Variants in ZMYM2 observed in about 807,000 individuals in gnomAD.
ZMYM2 encodes zinc finger MYM-type protein 2.
Under a neutral mutation model 162.8 loss-of-function variants are expected in ZMYM2, and 56 were observed. The ratio of observed to expected loss-of-function variants is 0.34; its 90% CI spans 0.28 to 0.43. The LOEUF (loss-of-function observed/expected upper bound fraction) is 0.43. ZMYM2 is among the 20% of genes least tolerant of loss of function. The pLI, the probability that ZMYM2 is intolerant of heterozygous loss-of-function variation, is 1.00. For synonymous variants in ZMYM2, 510 were observed against 541.6 expected, an observed-to-expected ratio of 0.94 and a Z score of 0.81; for missense variants, 1,275 against 1,621.8, an observed-to-expected ratio of 0.79 and a Z score of 3.67.
the ZMYM2 span, among the ~76,000 whole-genome samples, chr13:19,912,845 T>C: frequency 6.6e-6 from 1 of 152,174 alleles, no homozygotes; most frequent in African/African-American, 2.4e-5. Flanking sequence ...GTGTGGGGTA[T>C]GTGGAGATAT....
At chr13:19,913,507 T>C in the ZMYM2 span, among the ~76,000 whole-genome samples, 2 of 152,098 alleles carry the variant, frequency 1.3e-5, no homozygotes, top group Non-Finnish European at 2.9e-5. Context: ...GGCGGATCAC[T>C]TGAGGCCAGA....
At chr13:20,007,127 G>T (rs1950803597) in intron 6 of ZMYM2, among the ~76,000 whole-genome samples, 1 of 152,000 alleles carries the variant, frequency 6.6e-6, no homozygotes, top group Admixed American at 6.6e-5. Context: ...AAATTTTAAG[G>T]TTAATGTTGT....
chr13:19,985,179 A>G (rs562015940), intron 2 of ZMYM2, among the ~76,000 whole-genome samples: 32 of 152,150 alleles, frequency 2.1e-4, no homozygotes, highest in Non-Finnish European at 3.8e-4. Context: ...GCTGGAGTGT[A>G]GTGGCATGAT....
At chr13:19,952,152 C>T in the ZMYM2 span, among the ~76,000 whole-genome samples, 1 of 152,058 alleles carries the variant, frequency 6.6e-6, no homozygotes, top group Admixed American at 6.6e-5. Flanking sequence ...ACAAATACCA[C>T]ATAATCTCAC....
chr13:19,962,495 G>A (rs1955326798), intron 2 of ZMYM2, among the ~76,000 whole-genome samples: 1 of 124,148 alleles, frequency 8.1e-6, no homozygotes, highest in Admixed American at 7.9e-5. Context: ...AAATTGCATG[G>A]GATATATATA....
At chr13:20,002,278 C>A (rs890961341) in intron 3 of ZMYM2, among the ~76,000 whole-genome samples, 7 of 152,144 alleles carry the variant, frequency 4.6e-5, no homozygotes, top group Non-Finnish European at 8.8e-5. Context: ...TTTATAAATA[C>A]GTGAATACTT....
chr13:19,963,209 A>G (rs1306042600), intron 2 of ZMYM2, among the ~76,000 whole-genome samples: 53 of 152,204 alleles, frequency 3.5e-4, no homozygotes, highest in Admixed American at 3.5e-3. Flanking sequence ...ATTCACAAAT[A>G]GTATTTTATG....
intron 21 of ZMYM2, among the ~76,000 whole-genome samples, chr13:20,079,049 G>C (rs1469667193): frequency 6.6e-6 from 1 of 150,662 alleles, no homozygotes; most frequent in Non-Finnish European, 1.5e-5. Flanking sequence ...GGCTGGGCGC[G>C]GTGTCTCATG....
intron 2 of ZMYM2, among the ~76,000 whole-genome samples, chr13:19,970,811 A>G (rs1411858169): frequency 1.3e-5 from 2 of 152,180 alleles, no homozygotes; most frequent in Non-Finnish European, 2.9e-5. Context: ...AATTGGATAA[A>G]TGCAGCTGAG....
intron 2 of ZMYM2, among the ~76,000 whole-genome samples, chr13:19,976,990 AT>A (rs1956854065): frequency 3.9e-5 from 6 of 152,340 alleles, no homozygotes; most frequent in Admixed American, 3.9e-4. Flanking sequence ...GAACTGCTGT[AT>A]CTTCTTGCTA....
intron 18 of ZMYM2, among the ~76,000 whole-genome samples, chr13:20,064,124 A>G (rs1956490207): frequency 6.6e-6 from 1 of 151,790 alleles, no homozygotes; most frequent in African/African-American, 2.4e-5. Context: ...TTTTGGAAAA[A>G]ACATTTAATA....
chr13:20,006,285 G>T, intron 5 of ZMYM2, 89 bp from the exon 6 acceptor site: 1 of 1,311,110 alleles, frequency 7.6e-7, no homozygotes, highest in Non-Finnish European at 1.0e-6. Flanking sequence ...GCCTTATTAG[G>T]ACATCTTTAT....
chr13:20,005,023 T>C (rs903123306), intron 4 of ZMYM2, 51 bp from the exon 5 acceptor site: 29 of 1,475,636 alleles, frequency 2.0e-5, no homozygotes, highest in African/African-American at 1.0e-4. Flanking sequence ...ATGACTCTTA[T>C]ATTTGATTTC....
intron 9 of ZMYM2, among the ~76,000 whole-genome samples, chr13:20,030,181 G>T (rs1952960570): frequency 6.7e-6 from 1 of 150,330 alleles, no homozygotes; most frequent in African/African-American, 2.4e-5. Flanking sequence ...TCCTAACTTT[G>T]AAGAAGAAGT....
the ZMYM2 span, among the ~76,000 whole-genome samples, chr13:19,919,703 G>A: frequency 7.0e-6 from 1 of 142,194 alleles, no homozygotes; most frequent in African/African-American, 2.6e-5. Context: ...TTGAAATGGA[G>A]TTTTGCTCTT....
chr13:19,877,708 C>A, the ZMYM2 span, among the ~76,000 whole-genome samples: 1 of 152,222 alleles, frequency 6.6e-6, no homozygotes, highest in Non-Finnish European at 1.5e-5. Flanking sequence ...ATCCATGTGG[C>A]AGCATATGTC....
chr13:19,898,484 C>G, the ZMYM2 span, among the ~76,000 whole-genome samples: 1 of 151,406 alleles, frequency 6.6e-6, no homozygotes, highest in Non-Finnish European at 1.5e-5. Context: ...CCACCCACCT[C>G]AGCCTCCCAA....
At chr13:19,992,526 C>T (rs1489344365) in intron 2 of ZMYM2, among the ~76,000 whole-genome samples, 1 of 152,188 alleles carries the variant, frequency 6.6e-6, no homozygotes, top group Non-Finnish European at 1.5e-5. Flanking sequence ...CAACGCTGCA[C>T]TCCAGCCTGG....
At chr13:19,935,680 C>T in the ZMYM2 span, among the ~76,000 whole-genome samples, 1 of 151,882 alleles carries the variant, frequency 6.6e-6, no homozygotes, top group African/African-American at 2.4e-5. Flanking sequence ...CAGGATTCCA[C>T]TCTCACCCAG....
Sources: allele counts gnomAD v4.1 joint callset (sites outside exome capture counted in the v4.1 genomes callset), GRCh38; gene constraint gnomAD v4.1.1; transcripts MANE v1.5; gene names NCBI Gene and HGNC (gene_info 2026-07-23, HGNC 2026-07-21).